The following MAGI2 variants were observed in gnomAD, a reference collection of about 807,000 sequenced individuals.
MAGI2 encodes membrane-associated guanylate kinase, WW and PDZ domain-containing protein 2.
A neutral mutation model predicts 133.3 loss-of-function variants in MAGI2; 35 were observed. That is an observed-to-expected ratio of 0.26 (90% CI 0.20 to 0.35). The LOEUF is 0.35. Ranked by LOEUF, MAGI2 falls within the 10% of genes least tolerant of loss-of-function variation. The probability of loss-of-function intolerance (pLI) is 1.00; values close to 1 mark genes in which losing one functional copy is unlikely to be tolerated. For synonymous variants in MAGI2, 729 were observed against 710.6 expected (o/e 1.03, Z -0.41); for missense variants, 1,636 against 1,863.4 (o/e 0.88, Z 2.25).
chr7:78,752,641 G>A (rs1823564917), intron 2 of MAGI2, among the ~76,000 whole-genome samples: 1 of 152,116 alleles, frequency 6.6e-6, no homozygotes, highest in African/African-American at 2.4e-5. Flanking sequence ...GAAAGACCCT[G>A]TCTAACAAAT....
chr7:79,334,992 A>C (rs1336373750), intron 1 of MAGI2, among the ~76,000 whole-genome samples: 1 of 152,144 alleles, frequency 6.6e-6, no homozygotes, highest in South Asian at 2.1e-4. Flanking sequence ...CTCTATGGTA[A>C]CATTCATGTT....
intron 6 of MAGI2, among the ~76,000 whole-genome samples, chr7:78,448,734 A>G (rs1788411598): frequency 6.6e-6 from 1 of 152,076 alleles, no homozygotes; most frequent in Admixed American, 6.6e-5. Context: ...GTATATTTGT[A>G]TGCATATATA....
chr7:78,429,934 T>C lies in MAGI2; in HGVS notation c.1045+59827A>G, dbSNP rs180773851. ...TTTGCCCAAGGCCACATGTCTAGTATAGTGATGGAGTTGGGATCTGAATCA... is the reference window on the plus strand; with the variant it reads ...TTTGCCCAAGGCCACATGTCTAGTACAGTGATGGAGTTGGGATCTGAATCA... On this transcript the variant is annotated intron_variant, in intron 6 of 21. Coordinates refer to ENST00000354212, the MANE Select transcript of MAGI2 (RefSeq NM_012301.4). 4.3e-4 allele frequency among the ~76,000 whole-genome samples: 65 copies of C among 152,252 alleles called. No homozygotes were observed. The East Asian group carries it at 0.012, about 29-fold the overall frequency.
chr7:78,066,563 C>G (rs1199886793), intron 21 of MAGI2, among the ~76,000 whole-genome samples: 1 of 151,960 alleles, frequency 6.6e-6, no homozygotes, highest in Non-Finnish European at 1.5e-5. Flanking sequence ...CTGTTCTGTT[C>G]CACTGTACTC....
intron 6 of MAGI2, among the ~76,000 whole-genome samples, chr7:78,382,867 T>A (rs1795052464): frequency 6.6e-6 from 1 of 152,132 alleles, no homozygotes; most frequent in African/African-American, 2.4e-5. Flanking sequence ...GATATTTGTC[T>A]TTTTGTGCTG....
intron 2 of MAGI2, among the ~76,000 whole-genome samples, chr7:78,829,100 GA>G (rs1790911104): frequency 6.6e-6 from 1 of 152,062 alleles, no homozygotes; most frequent in Admixed American, 6.6e-5. Flanking sequence ...TTACAAGACT[GA>G]CATGATGTTT....
At chr7:78,389,268 G>C (rs764816030) in intron 6 of MAGI2, among the ~76,000 whole-genome samples, 1 of 152,174 alleles carries the variant, frequency 6.6e-6, no homozygotes, top group African/African-American at 2.4e-5. Context: ...CCACAAGACA[G>C]ACTGGAAGGC....
chr7:79,404,066 T>C (rs1845645461), intron 1 of MAGI2, among the ~76,000 whole-genome samples: 2 of 152,144 alleles, frequency 1.3e-5, no homozygotes, highest in Admixed American at 1.3e-4. Flanking sequence ...AAAGAACTAA[T>C]TATAGCCACC....
At chr7:78,552,736 A>T (rs1051629778) in intron 3 of MAGI2, among the ~76,000 whole-genome samples, 2 of 152,186 alleles carry the variant, frequency 1.3e-5, no homozygotes, top group African/African-American at 4.8e-5. Flanking sequence ...ACAGAAGGTC[A>T]GGGTTGATCC....
chr7:78,842,207 A>G (rs939226732), intron 2 of MAGI2, among the ~76,000 whole-genome samples: 8 of 152,010 alleles, frequency 5.3e-5, no homozygotes, highest in Non-Finnish European at 8.8e-5. Flanking sequence ...GTTACTATGA[A>G]AGAGAAAGTA....
intron 2 of MAGI2, among the ~76,000 whole-genome samples, chr7:78,673,733 C>T (rs1453706921): frequency 6.6e-6 from 1 of 152,002 alleles, no homozygotes; most frequent in Non-Finnish European, 1.5e-5. Context: ...ATGGGGTGGG[C>T]AACTTGCTGA....
intron 3 of MAGI2, among the ~76,000 whole-genome samples, chr7:78,608,442 T>C (rs1416031599): frequency 6.7e-6 from 1 of 150,328 alleles, no homozygotes; most frequent in Non-Finnish European, 1.5e-5. Flanking sequence ...TGTGTGCATA[T>C]ATATATGTAT....
At chr7:79,441,822 T>A (rs1444431992) in intron 1 of MAGI2, among the ~76,000 whole-genome samples, 1 of 152,164 alleles carries the variant, frequency 6.6e-6, no homozygotes, top group Admixed American at 6.5e-5. Context: ...TTAGGCATAA[T>A]TTAACTTATT....
At chr7:79,228,825 A>G (rs554511220) in intron 1 of MAGI2, among the ~76,000 whole-genome samples, 3 of 152,236 alleles carry the variant, frequency 2.0e-5, no homozygotes, top group Admixed American at 6.5e-5. Flanking sequence ...GATCTAAATA[A>G]TAGTAAAAGT....
intron 2 of MAGI2, among the ~76,000 whole-genome samples, chr7:78,945,678 C>T (rs1013210947): frequency 5.9e-5 from 9 of 151,964 alleles, no homozygotes; most frequent in East Asian, 5.8e-4. Context: ...TTGCCTCATT[C>T]TATGAAATTT....
intron 6 of MAGI2, among the ~76,000 whole-genome samples, chr7:78,381,731 C>T (rs1221843508): frequency 1.3e-5 from 2 of 152,042 alleles, no homozygotes; most frequent in East Asian, 1.9e-4. Flanking sequence ...AGAAGAAATG[C>T]AAATTAACAC....
chr7:79,277,648 A>C (rs1835331431), intron 1 of MAGI2, among the ~76,000 whole-genome samples: 1 of 152,180 alleles, frequency 6.6e-6, no homozygotes, highest in Non-Finnish European at 1.5e-5. Flanking sequence ...AACAATGGGC[A>C]TTGACCAAGA....
intron 10 of MAGI2, 56 bp from the exon 11 acceptor site, chr7:78,201,249 G>T: frequency 1.2e-6 from 1 of 812,924 alleles, no homozygotes; most frequent in South Asian, 2.0e-5. Context: ...TGCCACTTAT[G>T]GGTGGCACGA....
chr7:78,430,240 CT>C (rs545809101), intron 6 of MAGI2, among the ~76,000 whole-genome samples: 2,338 of 76,548 alleles, frequency 0.031, 39 homozygotes, highest in African/African-American at 0.1. Flanking sequence ...CTGGAAAAGC[CT>C]TTTTTTTTTT....
Sources: gnomAD v4.1 joint callset for allele counts (sites outside exome capture counted in the v4.1 genomes callset) on GRCh38, gnomAD v4.1.1 for gene constraint, MANE v1.5 for transcripts, NCBI Gene and HGNC (gene_info 2026-07-23, HGNC 2026-07-21) for gene names.